Variants in ARB2A observed in about 807,000 individuals in gnomAD.
ARB2A encodes cotranscriptional regulator ARB2A.
At chr5:93,711,325 T>C in the ARB2A span, among the ~76,000 whole-genome samples, 1 of 152,214 alleles carries the variant, frequency 6.6e-6, no homozygotes, top group African/African-American at 2.4e-5. Flanking sequence ...AACTCTATTG[T>C]AATATCAAGA....
the ARB2A span, among the ~76,000 whole-genome samples, chr5:94,083,403 A>C: frequency 6.6e-6 from 1 of 152,222 alleles, no homozygotes; most frequent in Non-Finnish European, 1.5e-5. Context: ...CCACTCACGA[A>C]TATAAAGAAA....
chr5:94,086,710 G>A, the ARB2A span, among the ~76,000 whole-genome samples: 4 of 152,054 alleles, frequency 2.6e-5, no homozygotes, highest in East Asian at 7.7e-4. Flanking sequence ...CCGCCACCAC[G>A]CCTGGCTAAT....
chr5:93,920,304 C>T, the ARB2A span, among the ~76,000 whole-genome samples: 1 of 152,152 alleles, frequency 6.6e-6, no homozygotes, highest in Admixed American at 6.5e-5. Context: ...AGAGCTCATA[C>T]TGCTGCCATC....
the ARB2A span, among the ~76,000 whole-genome samples, chr5:93,929,407 A>G: frequency 6.6e-6 from 1 of 152,160 alleles, no homozygotes; most frequent in Non-Finnish European, 1.5e-5. Context: ...CTATAATTTT[A>G]TACTGTAAAA....
chr5:93,734,685 TG>T, the ARB2A span: 2 of 152,222 alleles, frequency 1.3e-5, no homozygotes, highest in Non-Finnish European at 2.9e-5. Context: ...GGGGAAAATC[TG>T]GGCAAATATG....
chr5:93,657,844 C>T, the ARB2A span, among the ~76,000 whole-genome samples: 1 of 152,094 alleles, frequency 6.6e-6, no homozygotes. Context: ...TTGATTCAAT[C>T]CCCAGGCTGT....
the ARB2A span, chr5:93,740,888 C>T: frequency 1.2e-6 from 2 of 1,614,012 alleles, no homozygotes; most frequent in South Asian, 1.1e-5. Context: ...AAGAATTTCT[C>T]CAGGCTGTTT....
chr5:93,682,759 A>G, the ARB2A span: 2 of 795,634 alleles, frequency 2.5e-6, no homozygotes, highest in Non-Finnish European at 4.4e-6. Flanking sequence ...TGCATTATAA[A>G]AAGGACAGCC....
chr5:93,655,390 C>T, the ARB2A span, among the ~76,000 whole-genome samples: 1 of 152,160 alleles, frequency 6.6e-6, no homozygotes, highest in African/African-American at 2.4e-5. Flanking sequence ...AAACTTTATA[C>T]TGTCCTTAGT....
At chr5:93,688,252 G>A in the ARB2A span, among the ~76,000 whole-genome samples, 1 of 152,176 alleles carries the variant, frequency 6.6e-6, no homozygotes, top group African/African-American at 2.4e-5. Flanking sequence ...GGGATTACAG[G>A]CGTAAGCCAC....
At chr5:93,775,011 C>T in the ARB2A span, among the ~76,000 whole-genome samples, 4 of 151,964 alleles carry the variant, frequency 2.6e-5, no homozygotes, top group East Asian at 7.8e-4. Context: ...GGAACACACA[C>T]ATATATACAT....
chr5:93,675,406 T>A, the ARB2A span, among the ~76,000 whole-genome samples: 19 of 152,202 alleles, frequency 1.2e-4, no homozygotes, highest in African/African-American at 4.3e-4. Flanking sequence ...GCTTTATGTA[T>A]CTACTAAGCT....
the ARB2A span, among the ~76,000 whole-genome samples, chr5:93,850,542 G>C: frequency 1.1e-4 from 16 of 152,284 alleles, no homozygotes; most frequent in African/African-American, 3.9e-4. Context: ...TGCTCCTGCT[G>C]ATTAGAGAAT....
chr5:94,046,513 G>A, the ARB2A span, among the ~76,000 whole-genome samples: 1 of 152,192 alleles, frequency 6.6e-6, no homozygotes, highest in South Asian at 2.1e-4. Flanking sequence ...ATGCCCACTT[G>A]GCCACTTTTA....
the ARB2A span, among the ~76,000 whole-genome samples, chr5:93,700,227 T>G: frequency 6.6e-6 from 1 of 152,182 alleles, no homozygotes; most frequent in Non-Finnish European, 1.5e-5. Context: ...CTTACATGCA[T>G]ATATCTTTAC....
the ARB2A span, among the ~76,000 whole-genome samples, chr5:93,864,641 AATG>A: frequency 4.6e-5 from 7 of 152,208 alleles, no homozygotes; most frequent in Non-Finnish European, 1.0e-4. Flanking sequence ...TTCTCATTGC[AATG>A]ATAAGTTGTA....
At chr5:93,719,835 T>C in the ARB2A span, among the ~76,000 whole-genome samples, 3 of 152,154 alleles carry the variant, frequency 2.0e-5, no homozygotes, top group East Asian at 3.9e-4. Context: ...CTTTAAGTAA[T>C]ACAGATAGAA....
At chr5:93,813,870 CCTTAA>C in the ARB2A span, among the ~76,000 whole-genome samples, 8 of 152,270 alleles carry the variant, frequency 5.3e-5, no homozygotes, top group Middle Eastern at 3.4e-3. Context: ...ATGAGCCTTA[CCTTAA>C]CTTAAGCCTA....
chr5:94,025,440 A>G, the ARB2A span, among the ~76,000 whole-genome samples: 1 of 152,162 alleles, frequency 6.6e-6, no homozygotes, highest in African/African-American at 2.4e-5. Flanking sequence ...CGACCCTTTT[A>G]ACTTCATTTA....
Sources: gnomAD v4.1 joint callset for allele counts (sites outside exome capture counted in the v4.1 genomes callset) on GRCh38, gnomAD v4.1.1 for gene constraint, MANE v1.5 for transcripts, NCBI Gene and HGNC (gene_info 2026-07-23, HGNC 2026-07-21) for gene names.